MYO1D: variants seen among roughly 807,000 people sequenced by gnomAD.
The protein encoded by MYO1D is unconventional myosin-Id.
Under a neutral mutation model 122.0 loss-of-function variants are expected in MYO1D, and 83 were observed. The observed-to-expected ratio is 0.68, with a 90% confidence interval of 0.57 to 0.82. The LOEUF (loss-of-function observed/expected upper bound fraction) is 0.82, where lower values mean the gene tolerates loss of function less well. MYO1D is among the 40% of genes least tolerant of loss of function. MYO1D has a pLI of 0.00. For synonymous variants in MYO1D, 464 were observed against 446.9 expected (o/e 1.04, Z -0.48); for missense variants, 1,157 against 1,269.5 (o/e 0.91, Z 1.35).
intron 21 of MYO1D, chr17:32,531,510 G>A (rs1910507129): frequency 6.6e-6 from 1 of 152,134 alleles, no homozygotes; most frequent in South Asian, 2.1e-4. Flanking sequence ...GATTTATATA[G>A]TAAGCTTACT....
In MYO1D at chr17:32,641,424, G is replaced by T. The variant is rs142735574; in HGVS notation, c.2596-2589C>A. ...TGTGCATGTGTCTTTATAGCAGCAT[G>T]ATTTATAATCCTTAGCATATACCCA... On this transcript the variant is annotated intron_variant, in intron 19 of 21. Transcript: ENST00000318217. Among the ~76,000 whole-genome samples the T allele has an allele frequency of 5.2e-3, 798 of 152,248 alleles. 7 individuals carry two copies. The highest frequency in any genetic ancestry group is 0.017 in the African/African-American group (720 of 41,542).
chr17:32,627,997 C>T (rs187534788), intron 20 of MYO1D, among the ~76,000 whole-genome samples: 6 of 152,246 alleles, frequency 3.9e-5, no homozygotes, highest in Admixed American at 3.9e-4. Flanking sequence ...ATCTTTCCCA[C>T]CAATTTACAG....
At chr17:32,647,367 CAA>C (rs1278690140) in intron 19 of MYO1D, among the ~76,000 whole-genome samples, 1 of 152,154 alleles carries the variant, frequency 6.6e-6, no homozygotes, top group Non-Finnish European at 1.5e-5. Context: ...ATAGGGTGAA[CAA>C]AGAGTATTTT....
chr17:32,647,863 T>C (rs556703707), intron 19 of MYO1D, among the ~76,000 whole-genome samples: 1 of 152,248 alleles, frequency 6.6e-6, no homozygotes, highest in South Asian at 2.1e-4. Context: ...CTTTCCTTGA[T>C]GACATTTATT....
In MYO1D at chr17:32,563,437, G is replaced by A. The variant is rs181434049; in HGVS notation, c.2864+41650C>T. Reference sequence around the variant, plus strand: ...AAACCATGTTGGCCAGGCTAGTCTCGAACTCCTGATCTCAAGTGATTCACC... The same window carrying A: ...AAACCATGTTGGCCAGGCTAGTCTCAAACTCCTGATCTCAAGTGATTCACC... On this transcript the variant is annotated intron_variant, in intron 21 of 21. Coordinates refer to ENST00000318217, the MANE Select transcript of MYO1D (RefSeq NM_015194.3). Among the ~76,000 whole-genome samples the A allele has an allele frequency of 7.3e-4, 111 of 151,550 alleles. 1 individual carries two copies. Among genetic ancestry groups the A allele is most frequent in the Admixed American group, 1.9e-3 (29 of 15,210 alleles).
rs1254551805 is a variant in MYO1D at position 32,775,968 on chromosome 17, T to C, written c.460A>G (p.Asn154Asp). 2 of 1,614,016 alleles carry C rather than the reference T, an allele frequency of 1.2e-6. No homozygotes were observed. The highest frequency in any genetic ancestry group is 1.7e-6 in the Non-Finnish European group (2 of 1,179,938). The change falls in exon 4 of 22, where the codon AAC becomes GAC. Residue 154 changes from asparagine to aspartate, a missense_variant. Coordinates refer to ENST00000318217, the MANE Select transcript of MYO1D (RefSeq NM_015194.3). ...AACCTGCTTGAGTTGTCATTACGGTTGGTTTTGGCATTTCCAAAAGCTTCC... is the reference window on the plus strand; with the variant it reads ...AACCTGCTTGAGTTGTCATTACGGTCGGTTTTGGCATTTCCAAAAGCTTCC... ...VLEAFGNAKT[N>D]RNDNSSRFGK...
intron 16 of MYO1D, among the ~76,000 whole-genome samples, chr17:32,673,131 A>T (rs1412189308): frequency 1.2e-4 from 2 of 17,348 alleles, no homozygotes; most frequent in African/African-American, 2.4e-4. Flanking sequence ...TTTTTTTGAG[A>T]CAGAGACTTG....
intron 1 of MYO1D, among the ~76,000 whole-genome samples, chr17:32,822,615 G>A (rs2090681004): frequency 6.7e-6 from 1 of 148,850 alleles, no homozygotes. Flanking sequence ...CGGGCCCGTG[G>A]CCCGCCGGCC....
chr17:32,609,704 C>T (rs1171258375), intron 20 of MYO1D, among the ~76,000 whole-genome samples: 1 of 152,028 alleles, frequency 6.6e-6, no homozygotes, highest in Non-Finnish European at 1.5e-5. Flanking sequence ...TAAGTATTCC[C>T]ATGAATACAT....
intron 17 of MYO1D, among the ~76,000 whole-genome samples, chr17:32,656,152 G>A (rs1255078029): frequency 6.6e-6 from 1 of 152,156 alleles, no homozygotes; most frequent in East Asian, 1.9e-4. Flanking sequence ...GAAGTACGGA[G>A]GTTGGAAGCA....
intron 8 of MYO1D, among the ~76,000 whole-genome samples, chr17:32,762,461 C>G (rs2090011136): frequency 6.6e-6 from 1 of 152,202 alleles, no homozygotes. Flanking sequence ...TTTTCTGATT[C>G]AAGCTGCCCT....
chr17:32,629,583 A>C (rs887739834), intron 20 of MYO1D, among the ~76,000 whole-genome samples: 1 of 152,118 alleles, frequency 6.6e-6, no homozygotes, highest in Non-Finnish European at 1.5e-5. Context: ...AAATACAAAA[A>C]AAATTAGCCA....
intron 19 of MYO1D, among the ~76,000 whole-genome samples, chr17:32,641,247 C>T (rs1441322800): frequency 1.1e-5 from 1 of 92,590 alleles, no homozygotes; most frequent in African/African-American, 3.4e-5. Context: ...CATCCATGTC[C>T]CTACAAAGGA....
chr17:32,805,065 C>G (rs910898868), intron 1 of MYO1D, among the ~76,000 whole-genome samples: 3 of 152,120 alleles, frequency 2.0e-5, no homozygotes, highest in Admixed American at 6.5e-5. Context: ...AAGGGTTCTA[C>G]CCCCATGAAT....
intron 21 of MYO1D, among the ~76,000 whole-genome samples, chr17:32,568,708 A>C (rs184981930): frequency 2.6e-5 from 4 of 152,122 alleles, no homozygotes; most frequent in Admixed American, 1.3e-4. Context: ...CTGAACCCAC[A>C]TTTTCTGACT....
At chr17:32,690,528 C>T (rs1199439359) in intron 16 of MYO1D, among the ~76,000 whole-genome samples, 2 of 152,092 alleles carry the variant, frequency 1.3e-5, no homozygotes, top group African/African-American at 4.8e-5. Flanking sequence ...ATGTCTATCC[C>T]CTTCGAATCT....
At chr17:32,718,007 G>A (rs1189526208) in intron 15 of MYO1D, among the ~76,000 whole-genome samples, 2 of 151,792 alleles carry the variant, frequency 1.3e-5, no homozygotes, top group African/African-American at 2.4e-5. Flanking sequence ...CCTTACATGC[G>A]GCTAGACCTT....
At chr17:32,629,045 A>C (rs1360528489) in intron 20 of MYO1D, among the ~76,000 whole-genome samples, 1 of 152,234 alleles carries the variant, frequency 6.6e-6, no homozygotes, top group East Asian at 1.9e-4. Context: ...GACTAAAAAA[A>C]CAAAATGTGC....
intron 1 of MYO1D, among the ~76,000 whole-genome samples, chr17:32,791,336 C>G (rs1447040787): frequency 1.4e-5 from 2 of 145,600 alleles, no homozygotes; most frequent in East Asian, 4.0e-4. Context: ...TGCATTCCAG[C>G]CTGGGCAGCA....
Sources: gnomAD v4.1 joint callset for allele counts (sites outside exome capture counted in the v4.1 genomes callset) on GRCh38, gnomAD v4.1.1 for gene constraint, MANE v1.5 for transcripts, NCBI Gene and HGNC (gene_info 2026-07-23, HGNC 2026-07-21) for gene names.